Variants in GEMIN5 observed in about 807,000 individuals in gnomAD.
GEMIN5 encodes the protein gem-associated protein 5.
In GEMIN5, 124 loss-of-function variants were observed where a neutral mutation model predicts 176.9. The observed-to-expected ratio is 0.70, with a 90% CI of 0.61 to 0.81. The LOEUF (loss-of-function observed/expected upper bound fraction) is 0.81, where lower values mean the gene tolerates loss of function less well. Ranked by LOEUF, GEMIN5 falls within the 40% of genes least tolerant of loss-of-function variation. GEMIN5 has a pLI of 0.00. For synonymous variants in GEMIN5, 673 were observed against 665.2 expected (o/e 1.01, Z -0.18); for missense variants, 1,843 against 1,814.6 (o/e 1.02, Z -0.28).
intron 3 of GEMIN5, among the ~76,000 whole-genome samples, chr5:154,934,772 C>T (rs1403666630): frequency 1.3e-5 from 2 of 152,142 alleles, no homozygotes; most frequent in East Asian, 3.9e-4. Context: ...CTTTGTTTGC[C>T]ACTCAACAGT....
In GEMIN5 at chr5:154,891,525, C is replaced by T. The variant is rs190149568; in HGVS notation, c.3978G>A (p.Thr1326=). The part of the protein sequence containing the change: ...QQLDTASTEE[T]DPETSQPEPN... ...GCTCTGGCTGAGAAGTTTCAGGGTC[C>T]GTTTCTTCAGTGCTGGCAGTGTCTA... The change falls in exon 26 of 28, where the codon ACG becomes ACA. Residue 1326 remains threonine, a synonymous_variant. Transcript: ENST00000285873. 31 of 1,614,098 alleles carry T rather than the reference C, an allele frequency of 1.9e-5. No individual in the cohort carries two copies. The East Asian group carries it at 2.5e-4, about 13-fold the overall frequency.
intron 23 of GEMIN5, among the ~76,000 whole-genome samples, chr5:154,896,552 T>C (rs1763356818): frequency 6.6e-6 from 1 of 152,078 alleles, no homozygotes; most frequent in African/African-American, 2.4e-5. Flanking sequence ...TTGGGGGAAA[T>C]CTATCCTTAG....
chr5:154,905,518 C>T, intron 16 of GEMIN5, 42 bp from the exon 17 acceptor site: 1 of 905,354 alleles, frequency 1.1e-6, no homozygotes, highest in Non-Finnish European at 1.7e-6. Context: ...TTAAGGATAA[C>T]AATAATACAG....
intron 24 of GEMIN5, among the ~76,000 whole-genome samples, chr5:154,895,207 AGGGAAAGAACTACGCCAGGCACAGT>A (rs1482822754): frequency 1.3e-5 from 2 of 152,050 alleles, no homozygotes; most frequent in African/African-American, 4.8e-5. Context: ...TTTTGAAATG[AGGGAAAGAACTACGCCAGGCACAGT>A]GGCTCATGCC....
chr5:154,938,072 T>C lies in GEMIN5; in HGVS notation c.62A>G (p.Asp21Gly). 2.6e-6 allele frequency: 4 copies of C among 1,522,168 alleles called. No homozygotes were observed. Among genetic ancestry groups the C allele is most frequent in the Non-Finnish European group, 3.5e-6 (4 of 1,138,780 alleles). The allele number at this position is 1,522,168 out of a possible 1,614,324, so 94.3% of individuals were successfully genotyped here. ...GCCAAAGAGGCCCCCGGGCACGGCA[T>C]CGCTGCAGCGGGCGCAGTACCAGTT... is the stretch of plus-strand genomic sequence containing the variant. ...SPNWYCARCSDAVPGGLFGFA... is the reference protein window; with the variant it reads ...SPNWYCARCSGAVPGGLFGFA... Residue 21 changes from aspartate (D) to glycine (G), a missense_variant, in exon 1 of 28, where the codon GAT (aspartate) becomes GGT (glycine). Transcript: ENST00000285873.
chr5:154,930,600 T>C (rs560380822), intron 5 of GEMIN5, among the ~76,000 whole-genome samples: 1 of 152,230 alleles, frequency 6.6e-6, no homozygotes, highest in Non-Finnish European at 1.5e-5. Flanking sequence ...CAAAAAGACA[T>C]ATCATATGTA....
Position 154,925,934 on chromosome 5 carries a change from C to A in GEMIN5, c.1221G>T (p.Trp407Cys). The change falls in exon 8 of 28, where the codon TGG becomes TGT. Residue 407 changes from tryptophan (W) to cysteine (C), a missense_variant. Physicochemically the swap from Trp to Cys is radical, Grantham distance 215. Transcript: ENST00000285873. ...IGVGDGMIRV[W>C]NTLSIKNNYD... ...AGTTGTTCTTTATGGAGAGTGTATT[C>A]CATACACGGATCATGCCATCCCCAA... 2 of 1,613,104 alleles carry A rather than the reference C, an allele frequency of 1.2e-6. No individual in the cohort carries two copies. The highest frequency in any genetic ancestry group is 1.7e-6 in the Non-Finnish European group (2 of 1,179,138).
chr5:154,930,861 AAGAAG>A (rs771646202), intron 5 of GEMIN5, among the ~76,000 whole-genome samples: 182 of 152,316 alleles, frequency 1.2e-3, no homozygotes, highest in Non-Finnish European at 1.5e-3. Flanking sequence ...AAAATGAAGA[AAGAAG>A]AGAAGCCCGC....
Position 154,937,126 on chromosome 5 carries a change from G to A in GEMIN5, c.226C>T (p.Pro76Ser). The A allele has an allele frequency of 6.2e-7, 1 of 1,613,696 alleles. No homozygotes were observed. Among genetic ancestry groups the A allele is most frequent in the South Asian group, 1.1e-5 (1 of 91,046 alleles). The change falls in exon 2 of 28, where the codon CCT (proline) becomes TCT (serine). Residue 76 changes from proline to serine, a missense_variant. Transcript: ENST00000285873. ...RVSGFTFSHH[P>S]GQYNLCATSS... ...GTGGCACAGAGGTTGTACTGACCAG[G>A]GTGATGAGAAAATGTGAAGCCAGAG...
rs1268415445 is a variant in GEMIN5, at chr5:154,901,486, G to C, written c.2867C>G (p.Ala956Gly). 2 of 1,612,722 alleles carry C rather than the reference G, an allele frequency of 1.2e-6. No homozygotes were observed. Residue 956 changes from alanine (A) to glycine (G), a missense_variant and splice_region_variant, in exon 21 of 28, where the codon GCT becomes GGT. Ala to Gly is a moderately conservative substitution (Grantham distance 60, BLOSUM62 0). Coordinates refer to ENST00000285873, the MANE Select transcript of GEMIN5 (RefSeq NM_015465.5). ...AGCCCATAGCCACACATGGTAGCCAGCTGAAAAAATAAAAGATGGTGGTTA... is the reference window on the plus strand; with the variant it reads ...AGCCCATAGCCACACATGGTAGCCACCTGAAAAAATAAAAGATGGTGGTTA... ...TDNLVAMAPA[A>G]GYHVWLWAVE...
chr5:154,926,548 T>C (rs1764041254), intron 7 of GEMIN5, among the ~76,000 whole-genome samples: 2 of 152,222 alleles, frequency 1.3e-5, no homozygotes, highest in Non-Finnish European at 2.9e-5. Flanking sequence ...AAATGAAGTC[T>C]ACCAAATAAG....
At chr5:154,901,266 T>C in intron 21 of GEMIN5, 73 bp downstream of exon 21, 2 of 1,392,526 alleles carry the variant, frequency 1.4e-6, no homozygotes, top group Non-Finnish European at 2.0e-6. Flanking sequence ...TTTATGTTAC[T>C]TTAACAATAG....
Position 154,903,149 on chromosome 5 carries a change from C to T in GEMIN5, c.2659G>A (p.Val887Ile), listed in dbSNP as rs1420363426. 1.2e-6 allele frequency: 2 copies of T among 1,612,190 alleles called. No homozygotes were observed. The highest frequency in any genetic ancestry group is 1.7e-6 in the Non-Finnish European group (2 of 1,178,526). The change falls in exon 19 of 28, where the codon GTT (valine) becomes ATT (isoleucine). Residue 887 changes from valine to isoleucine, a missense_variant. Coordinates refer to ENST00000285873, the MANE Select transcript of GEMIN5 (RefSeq NM_015465.5). ...AGCCCCAGATGAAATCTTTCCTCAA[C>T]ATCAGCAGACACATCTTCATTCAGC... ...RELNEDVSAD[V>I]EERFHLGLFT...
intron 18 of GEMIN5, 53 bp from the exon 19 acceptor site, chr5:154,903,228 G>GT (rs1259339166): frequency 1.3e-5 from 15 of 1,161,568 alleles, no homozygotes; most frequent in Non-Finnish European, 1.8e-5. Flanking sequence ...ATTGATTACA[G>GT]TTTTCTCTCC....
Position 154,927,587 on chromosome 5 carries a change from A to G in GEMIN5, c.915-37T>C, listed in dbSNP as rs1439121536. 2.7e-6 allele frequency: 4 copies of G among 1,484,610 alleles called. No individual in the cohort carries two copies. The Admixed American group carries it at 7.1e-5, about 26-fold the overall frequency. 92.0% of individuals were successfully genotyped at this position (1,484,610 alleles called of 1,614,324 possible). A position where few individuals can be genotyped will look rare whatever the true frequency, so the allele number is the denominator to read the frequency against. The stretch of plus-strand genomic sequence containing the variant: ...AAACATAAGCATTAGTTCTTTTACA[A>G]ACGATCTGAAAACAAGTGACTGTTG... On this transcript the variant is annotated intron_variant, in intron 6 of 27. Coordinates refer to ENST00000285873, the MANE Select transcript of GEMIN5 (RefSeq NM_015465.5).
chr5:154,912,625 C>T (rs1233889837), intron 14 of GEMIN5, among the ~76,000 whole-genome samples: 1 of 152,102 alleles, frequency 6.6e-6, no homozygotes, highest in African/African-American at 2.4e-5. Context: ...GTCCACCATA[C>T]TGATAGTGAG....
intron 3 of GEMIN5, among the ~76,000 whole-genome samples, chr5:154,935,466 C>T (rs1199097345): frequency 6.6e-6 from 1 of 152,180 alleles, no homozygotes; most frequent in Non-Finnish European, 1.5e-5. Flanking sequence ...GCATCACTTT[C>T]CCAATCTAAA....
Position 154,888,010 on chromosome 5 carries a change from G to A in GEMIN5, c.*200C>T, listed in dbSNP as rs971898952. 2.7e-5 allele frequency: 15 copies of A among 561,882 alleles called. No individual in the cohort carries two copies. Among genetic ancestry groups the A allele is most frequent in the Non-Finnish European group, 4.4e-5 (14 of 316,798 alleles). 34.8% of individuals were successfully genotyped at this position (561,882 alleles called of 1,614,324 possible). ...TTTCATGATCTTCCCTCCAGTAGGA[G>A]ACCACAATTGAGTCTAAAGTCAGAT... is the stretch of plus-strand genomic sequence containing the variant. On this transcript the variant is annotated 3_prime_UTR_variant, in exon 28 of 28. Transcript: ENST00000285873.
At chr5:154,936,700 C>G (rs1385143615) in intron 2 of GEMIN5, among the ~76,000 whole-genome samples, 1 of 152,108 alleles carries the variant, frequency 6.6e-6, no homozygotes, top group Non-Finnish European at 1.5e-5. Context: ...TTGTTTTAGA[C>G]CTTGTGGGCC....
Sources: gnomAD v4.1 joint callset for allele counts (sites outside exome capture counted in the v4.1 genomes callset) on GRCh38, gnomAD v4.1.1 for gene constraint, MANE v1.5 for transcripts, NCBI Gene and HGNC (gene_info 2026-07-23, HGNC 2026-07-21) for gene names.